DNAJC27: variants seen among roughly 807,000 people sequenced by gnomAD.
DNAJC27 encodes the protein dnaJ homolog subfamily C member 27.
A neutral mutation model predicts 31.4 loss-of-function variants in DNAJC27; 25 were observed. That is an observed-to-expected ratio of 0.80 (90% CI 0.58 to 1.11). The LOEUF (loss-of-function observed/expected upper bound fraction) is 1.11, where lower values mean the gene tolerates loss of function less well. Ranked by LOEUF, DNAJC27 falls within the 50% of genes most tolerant of loss-of-function variation. The pLI, the probability that DNAJC27 is intolerant of heterozygous loss-of-function variation, is 0.00. For synonymous variants in DNAJC27, 106 were observed against 112.7 expected (o/e 0.94, Z 0.37); for missense variants, 356 against 347.3 (o/e 1.02, Z -0.20).
At chr2:24,964,314 C>T (rs566264780) in intron 2 of DNAJC27, among the ~76,000 whole-genome samples, 1 of 150,794 alleles carries the variant, frequency 6.6e-6, no homozygotes, top group African/African-American at 2.4e-5. Context: ...CCCAGCTACT[C>T]AGGAGGCTGA....
At chr2:24,958,390 T>TC (rs968290279) in intron 3 of DNAJC27, among the ~76,000 whole-genome samples, 1 of 152,136 alleles carries the variant, frequency 6.6e-6, no homozygotes, top group Non-Finnish European at 1.5e-5. Context: ...ATAAATCACA[T>TC]CCCAAAGCTG....
At chr2:24,964,186 C>T (rs535761840) in intron 2 of DNAJC27, among the ~76,000 whole-genome samples, 4 of 151,650 alleles carry the variant, frequency 2.6e-5, no homozygotes, top group Non-Finnish European at 5.9e-5. Context: ...TGTGGGAGGC[C>T]GAGATGGGCG....
chr2:24,964,906 A>G (rs757444971), intron 2 of DNAJC27, among the ~76,000 whole-genome samples: 37 of 152,176 alleles, frequency 2.4e-4, no homozygotes, highest in Non-Finnish European at 2.9e-5. Context: ...AAAGAAAACT[A>G]GAAAGAAAGG....
chr2:24,949,977 T>C (rs1665728697), intron 6 of DNAJC27, among the ~76,000 whole-genome samples: 1 of 148,560 alleles, frequency 6.7e-6, no homozygotes, highest in South Asian at 2.1e-4. Flanking sequence ...TCTTAAAATA[T>C]ATATGGAATT....
chr2:24,967,147 G>T, intron 2 of DNAJC27, 64 bp downstream of exon 2: 1 of 1,257,938 alleles, frequency 7.9e-7, no homozygotes, highest in Non-Finnish European at 1.2e-6. Flanking sequence ...ATGCAAATAT[G>T]GATCATTTTG....
intron 3 of DNAJC27, among the ~76,000 whole-genome samples, chr2:24,960,430 A>G (rs987536900): frequency 6.6e-6 from 1 of 152,222 alleles, no homozygotes; most frequent in African/African-American, 2.4e-5. Context: ...ACGGCCTCTA[A>G]GTGTTCAAGT....
chr2:24,946,230 TTC>T lies in DNAJC27; in HGVS notation c.*1384_*1385del, dbSNP rs1665649125. Reference sequence around the variant, plus strand: ...AAGCTATAGTTTAAAAATATTACTCTTCAGAAATTTGGAGCCCAAGCAGGAAT... The same window carrying T: ...AAGCTATAGTTTAAAAATATTACTCTAGAAATTTGGAGCCCAAGCAGGAAT... On this transcript the variant is annotated 3_prime_UTR_variant, in exon 7 of 7. Transcript: ENST00000264711. 1 of 152,142 alleles carries T rather than the reference TTC, an allele frequency of 6.6e-6. No homozygotes were observed. The highest frequency in any genetic ancestry group is 2.1e-4 in the South Asian group (1 of 4,828). 9.4% of individuals were successfully genotyped at this position (152,142 alleles called of 1,614,324 possible).
At chr2:24,957,017 C>G in intron 5 of DNAJC27, 26 bp downstream of exon 5, 2 of 1,597,802 alleles carry the variant, frequency 1.3e-6, no homozygotes. Flanking sequence ...TGACACAAAC[C>G]TTAAAACAAC....
chr2:24,955,791 GA>G (rs1306774146), intron 5 of DNAJC27, among the ~76,000 whole-genome samples: 3 of 152,116 alleles, frequency 2.0e-5, no homozygotes, highest in Non-Finnish European at 4.4e-5. Context: ...TTAAAGTGTT[GA>G]AAAAAATCTC....
At chr2:24,951,884 G>A (rs181962960) in intron 5 of DNAJC27, among the ~76,000 whole-genome samples, 8 of 152,214 alleles carry the variant, frequency 5.3e-5, no homozygotes, top group East Asian at 1.9e-4. Context: ...CGAGGCAGGC[G>A]GATTGCTTGA....
intron 5 of DNAJC27, among the ~76,000 whole-genome samples, chr2:24,955,809 A>C (rs1248101465): frequency 6.6e-6 from 1 of 152,266 alleles, no homozygotes; most frequent in African/African-American, 2.4e-5. Flanking sequence ...TCTCATTTCT[A>C]ACAAGTATGT....
rs1666209697 is a variant in DNAJC27, at chr2:24,967,279, C to T, written c.102G>A (p.Lys34=). The T allele has an allele frequency of 6.2e-7, 1 of 1,612,718 alleles. No homozygotes were observed. Among genetic ancestry groups the T allele is most frequent in the Non-Finnish European group, 8.5e-7 (1 of 1,179,002 alleles). ...ACACGAATCTTTTCTCACAGTATCG[C>T]TTTATAATACAGCTCTAAAAAGGTA... The part of the protein sequence containing the change: ...NAEVGKSCII[K]RYCEKRFVSK... Residue 34 remains lysine, a synonymous_variant, in exon 2 of 7, where the codon AAG becomes AAA. Coordinates refer to ENST00000264711, the MANE Select transcript of DNAJC27 (RefSeq NM_016544.3).
intron 1 of DNAJC27, among the ~76,000 whole-genome samples, chr2:24,968,557 G>A (rs1238599082): frequency 6.6e-6 from 1 of 151,750 alleles, no homozygotes; most frequent in Admixed American, 6.6e-5. Context: ...ATGTTGGCCA[G>A]GATGGTCTCG....
rs559866248 is a variant in DNAJC27 at position 24,946,091 on chromosome 2, T to C, written c.*1525A>G. On this transcript the variant is annotated 3_prime_UTR_variant, in exon 7 of 7. Transcript: ENST00000264711. Reference sequence around the variant, plus strand: ...GTAACAAGAATGACGACGTAATGAGTCAAGTGGTGAGACTAGTTCTATAAG... The same window carrying C: ...GTAACAAGAATGACGACGTAATGAGCCAAGTGGTGAGACTAGTTCTATAAG... The C allele has an allele frequency of 1.3e-4, 20 of 152,238 alleles. No homozygotes were observed. The highest frequency in any genetic ancestry group is 4.8e-4 in the African/African-American group (20 of 41,546). The allele number at this position is 152,238 out of a possible 1,614,324, so 9.4% of individuals were successfully genotyped here.
chr2:24,957,610 A>C (rs1665938932), intron 4 of DNAJC27, among the ~76,000 whole-genome samples, 200 bp downstream of exon 4: 1 of 152,048 alleles, frequency 6.6e-6, no homozygotes, highest in African/African-American at 2.4e-5. Context: ...CACCAGAAAA[A>C]AAAAAATGTA....
rs1666354583 is a variant in DNAJC27 at position 24,971,915 on chromosome 2, C to T, written c.-11G>A. ...CATGTTGGCCTCCATGGCCCTGGCT[C>T]TCTCGGGGCCACCCGCCTCGGTCTC... On this transcript the variant is annotated 5_prime_UTR_variant, in exon 1 of 7. Coordinates refer to ENST00000264711, the MANE Select transcript of DNAJC27 (RefSeq NM_016544.3). 1 of 1,569,558 alleles carries T rather than the reference C, an allele frequency of 6.4e-7. No homozygotes were observed. The highest frequency in any genetic ancestry group is 2.4e-5 in the East Asian group (1 of 41,088).
rs192190685 is a variant in DNAJC27 at position 24,950,530 on chromosome 2, T to C, written c.689+864A>G. ...GAATTTTTTTCTTAAATAACTCTTT[T>C]GACTAAAATAATTAACATAAATACA... On this transcript the variant is annotated intron_variant, in intron 6 of 6. Coordinates refer to ENST00000264711, the MANE Select transcript of DNAJC27 (RefSeq NM_016544.3). Among the ~76,000 whole-genome samples, 162 of 152,302 alleles carry C rather than the reference T, an allele frequency of 1.1e-3. 1 individual carries two copies. The highest frequency in any genetic ancestry group is 2.0e-3 in the Non-Finnish European group (139 of 68,018).
intron 2 of DNAJC27, among the ~76,000 whole-genome samples, chr2:24,965,121 G>A (rs1166357446): frequency 1.7e-4 from 26 of 151,588 alleles, no homozygotes; most frequent in Admixed American, 4.6e-4. Context: ...CAGGAGAATC[G>A]CTTAAACCCG....
At chr2:24,963,632 A>T (rs1451670625) in intron 2 of DNAJC27, among the ~76,000 whole-genome samples, 158 bp from the exon 3 acceptor site, 1 of 152,268 alleles carries the variant, frequency 6.6e-6, no homozygotes, top group Non-Finnish European at 1.5e-5. Context: ...AGCAGTCAGC[A>T]ACCTGACAGA....
Sources: gnomAD v4.1 joint callset for allele counts (sites outside exome capture counted in the v4.1 genomes callset) on GRCh38, gnomAD v4.1.1 for gene constraint, MANE v1.5 for transcripts, NCBI Gene and HGNC (gene_info 2026-07-23, HGNC 2026-07-21) for gene names.